The following CSMD2 variants were observed in gnomAD, a reference collection of about 807,000 sequenced individuals.
The protein encoded by CSMD2 is CUB and Sushi multiple domains 2.
Under a neutral mutation model 398.5 loss-of-function variants are expected in CSMD2, and 130 were observed. That is an observed-to-expected ratio of 0.33 (90% confidence interval 0.28 to 0.38). The LOEUF is 0.38. CSMD2 is among the 10% of genes least tolerant of loss of function. CSMD2 has a pLI of 1.00. For missense variants in CSMD2, 3,829 were observed against 4,764.9 expected (o/e 0.80, Z 5.78); for synonymous variants, 1,828 against 1,908.5 (o/e 0.96, Z 1.10).
At position 33,524,950 on chromosome 1, in the gene CSMD2, A is replaced by T. The variant is rs1403283550; in HGVS notation, c.10328T>A (p.Phe3443Tyr). 6.2e-7 allele frequency: 1 copy of T among 1,614,192 alleles called. No homozygotes were observed. The highest frequency in any genetic ancestry group is 1.7e-5 in the Admixed American group (1 of 60,024). Residue 3443 changes from phenylalanine to tyrosine, a missense_variant, in exon 66 of 71, where the codon TTC becomes TAC. By Grantham distance (22) the Phe-to-Tyr change is conservative. Coordinates refer to ENST00000373381, the MANE Select transcript of CSMD2 (RefSeq NM_001281956.2). ...KQPAMLRVTGFQVANSKVNAT... is the reference protein window; with the variant it reads ...KQPAMLRVTGYQVANSKVNAT... ...ATTGACCTTGCTGTTGGCAACTTGG[A>T]AGCCAGTCACTCTGAGCATGGCTGG...
intron 56 of CSMD2, among the ~76,000 whole-genome samples, chr1:33,549,570 A>G (rs982193752): frequency 1.3e-5 from 2 of 152,244 alleles, no homozygotes; most frequent in African/African-American, 4.8e-5. Context: ...TTTTGATAGC[A>G]TCTGTCAGTG....
intron 49 of CSMD2, among the ~76,000 whole-genome samples, chr1:33,573,091 T>C (rs911008994): frequency 6.6e-6 from 1 of 152,074 alleles, no homozygotes; most frequent in Non-Finnish European, 1.5e-5. Context: ...ATGGTGGGAG[T>C]TGGCATCCCA....
chr1:33,746,204 T>C (rs558141408), intron 13 of CSMD2, among the ~76,000 whole-genome samples: 2 of 152,318 alleles, frequency 1.3e-5, no homozygotes, highest in East Asian at 1.9e-4. Context: ...TGGACATGGA[T>C]GCCCCCACAC....
intron 54 of CSMD2, among the ~76,000 whole-genome samples, chr1:33,558,789 C>A (rs927232768): frequency 6.6e-6 from 1 of 152,078 alleles, no homozygotes; most frequent in East Asian, 1.9e-4. Flanking sequence ...GCCCTCACCC[C>A]CTTTATCTCA....
intron 4 of CSMD2, among the ~76,000 whole-genome samples, chr1:33,922,855 C>T (rs1643992475): frequency 6.6e-6 from 1 of 152,156 alleles, no homozygotes; most frequent in South Asian, 2.1e-4. Flanking sequence ...GCCATGAAGC[C>T]CCCTCCTGGT....
chr1:33,617,994 A>G (rs1641503853), intron 37 of CSMD2, among the ~76,000 whole-genome samples: 1 of 131,286 alleles, frequency 7.6e-6, no homozygotes, highest in Admixed American at 7.9e-5. Flanking sequence ...CCTTACCCTA[A>G]GAAGACAGAT....
At chr1:33,565,554 C>A (rs1310006139) in intron 53 of CSMD2, among the ~76,000 whole-genome samples, 1 of 151,960 alleles carries the variant, frequency 6.6e-6, no homozygotes, top group African/African-American at 2.4e-5. Context: ...CTTTGTAACA[C>A]TGACAGAAGA....
intron 1 of CSMD2, among the ~76,000 whole-genome samples, chr1:34,150,079 C>CTTTTTTTTT (rs772520303): frequency 7.2e-6 from 1 of 138,090 alleles, no homozygotes; most frequent in African/African-American, 2.7e-5. Flanking sequence ...TTTCTTCTTT[C>CTTTTTTTTT]TTTTTTTTTT....
intron 19 of CSMD2, among the ~76,000 whole-genome samples, chr1:33,718,468 A>G (rs1355253262): frequency 6.6e-6 from 1 of 152,182 alleles, no homozygotes; most frequent in Non-Finnish European, 1.5e-5. Flanking sequence ...GCAGAATCAC[A>G]CCAAGTGAGT....
chr1:33,902,841 G>C (rs1350974833), intron 5 of CSMD2, among the ~76,000 whole-genome samples: 1 of 152,134 alleles, frequency 6.6e-6, no homozygotes, highest in Admixed American at 6.5e-5. Flanking sequence ...CCCTCTGATT[G>C]CCTTTCCTCC....
At chr1:33,868,220 A>C (rs1412114315) in intron 5 of CSMD2, among the ~76,000 whole-genome samples, 1 of 152,170 alleles carries the variant, frequency 6.6e-6, no homozygotes, top group Non-Finnish European at 1.5e-5. Context: ...GAGAAGAGGA[A>C]GGCAGGCCCA....
intron 24 of CSMD2, among the ~76,000 whole-genome samples, chr1:33,696,729 G>T (rs1645432105): frequency 6.6e-6 from 1 of 151,952 alleles, no homozygotes; most frequent in Non-Finnish European, 1.5e-5. Flanking sequence ...ACCTTACCTG[G>T]GGCCTGGCAG....
At chr1:33,584,424 C>T (rs542899800) in intron 46 of CSMD2, among the ~76,000 whole-genome samples, 17 of 152,204 alleles carry the variant, frequency 1.1e-4, no homozygotes, top group Middle Eastern at 6.8e-3. Context: ...GTAATCCCAG[C>T]GCTGTGGGAG....
intron 3 of CSMD2, 69 bp downstream of exon 3, chr1:34,032,524 AT>A (rs1650580426): frequency 3.9e-6 from 4 of 1,014,772 alleles, no homozygotes. Context: ...TCTGTGAGCA[AT>A]GCAGTCCTGC....
At chr1:34,111,138 C>T (rs1424719355) in intron 1 of CSMD2, among the ~76,000 whole-genome samples, 1 of 152,176 alleles carries the variant, frequency 6.6e-6, no homozygotes, top group East Asian at 1.9e-4. Context: ...GTCCCAAGTG[C>T]CTAGAACAGT....
chr1:33,904,416 C>T (rs943101806), intron 5 of CSMD2, among the ~76,000 whole-genome samples: 6 of 152,192 alleles, frequency 3.9e-5, no homozygotes, highest in African/African-American at 1.4e-4. Flanking sequence ...GTGGTTTAGA[C>T]ATACAAGGGA....
chr1:33,769,813 G>A (rs1651023219), intron 13 of CSMD2, among the ~76,000 whole-genome samples: 1 of 152,090 alleles, frequency 6.6e-6, no homozygotes, highest in Non-Finnish European at 1.5e-5. Flanking sequence ...CTCTCAATAA[G>A]GAAAGGGCAA....
chr1:33,821,538 G>A (rs1658156113), intron 7 of CSMD2, among the ~76,000 whole-genome samples: 3 of 152,110 alleles, frequency 2.0e-5, no homozygotes, highest in Non-Finnish European at 2.9e-5. Context: ...ACAGCATTCG[G>A]CATTTTCCAA....
chr1:33,662,849 C>A, intron 26 of CSMD2, 41 bp downstream of exon 26: 1 of 1,582,998 alleles, frequency 6.3e-7, no homozygotes, highest in South Asian at 1.1e-5. Flanking sequence ...TGCCATGTGT[C>A]AGGACATGTG....
Sources: gnomAD v4.1 joint callset for allele counts (sites outside exome capture counted in the v4.1 genomes callset) on GRCh38, gnomAD v4.1.1 for gene constraint, MANE v1.5 for transcripts, NCBI Gene and HGNC (gene_info 2026-07-23, HGNC 2026-07-21) for gene names.